The following NLRP7 variants were observed in gnomAD, a reference collection of about 807,000 sequenced individuals.
The protein encoded by NLRP7 is NACHT, LRR and PYD domains-containing protein 7.
A neutral mutation model predicts 85.5 loss-of-function variants in NLRP7; 72 were observed. The ratio of observed to expected loss-of-function variants is 0.84; its 90% CI spans 0.70 to 1.02. The LOEUF (loss-of-function observed/expected upper bound fraction) is 1.02, where lower values mean the gene tolerates loss of function less well. NLRP7 is among the 50% of genes least tolerant of loss of function. NLRP7 has a pLI of 0.00. For missense variants in NLRP7, 1,243 were observed against 1,219.5 expected (o/e 1.02, Z -0.29); for synonymous variants, 550 against 505.2 (o/e 1.09, Z -1.19).
chr19:54,923,712 T>G (rs776004003), exon 10 of NLRP7: 1 of 1,611,928 alleles, frequency 6.2e-7, no homozygotes, highest in East Asian at 2.2e-5. Context: ...CCGCTTCCTG[T>G]GTAATTCGTA....
At chr19:54,957,944 G>A (rs957110599) in intron 1 of NLRP7, among the ~76,000 whole-genome samples, 2 of 152,016 alleles carry the variant, frequency 1.3e-5, no homozygotes, top group Admixed American at 6.6e-5. Flanking sequence ...GGCCGGGCAC[G>A]GTGTCTCACG....
chr19:54,932,886 G>A (rs751458793), intron 8 of NLRP7, among the ~76,000 whole-genome samples: 3 of 151,982 alleles, frequency 2.0e-5, no homozygotes, highest in Admixed American at 6.6e-5. Context: ...CGAACCTTAG[G>A]TGATCTGCCC....
intron 1 of NLRP7, among the ~76,000 whole-genome samples, chr19:54,942,680 A>G (rs1456809656): frequency 6.6e-6 from 1 of 152,054 alleles, no homozygotes; most frequent in Non-Finnish European, 1.5e-5. Context: ...ACGCCATTGC[A>G]CTCGAGCCTC....
chr19:54,924,391 G>A lies in NLRP7; in HGVS notation c.2811-519C>T, dbSNP rs998128976. ...TAGTCCCAGCACTTTGGGAGGCCAAGGCAGGCAGATTGCTTGAGCTCCGCA... is the reference window on the plus strand; with the variant it reads ...TAGTCCCAGCACTTTGGGAGGCCAAAGCAGGCAGATTGCTTGAGCTCCGCA... On this transcript the variant is annotated intron_variant, in intron 9 of 9. Coordinates refer to ENST00000340844, the Ensembl canonical transcript of NLRP7. Among the ~76,000 whole-genome samples, 12 of 152,356 alleles carry A rather than the reference G, an allele frequency of 7.9e-5. No homozygotes were observed. In the East Asian group the frequency reaches 1.9e-3, roughly 24 times the overall value.
intron 1 of NLRP7, among the ~76,000 whole-genome samples, chr19:54,946,976 G>A (rs574277671): frequency 6.6e-5 from 10 of 150,536 alleles, no homozygotes; most frequent in African/African-American, 2.4e-4. Flanking sequence ...TTACCATGTT[G>A]CCCAGGCTAG....
chr19:54,928,991 T>A (rs950325467), intron 9 of NLRP7, among the ~76,000 whole-genome samples: 3 of 152,136 alleles, frequency 2.0e-5, no homozygotes, highest in African/African-American at 4.8e-5. Flanking sequence ...ATCCACCCGT[T>A]TGCATTGAGC....
rs2068787812 is a variant in NLRP7, at chr19:54,934,037, A to G, written c.2472-298T>C. Among the ~76,000 whole-genome samples, 2 of 152,134 alleles carry G rather than the reference A, an allele frequency of 1.3e-5. No homozygotes were observed. The highest frequency in any genetic ancestry group is 2.4e-5 in the African/African-American group (1 of 41,434). On this transcript the variant is annotated intron_variant, in intron 7 of 9. Transcript: ENST00000340844. This position sits in a 1 kb window ranked among gnomAD's most constrained non-coding sequence, Gnocchi z 6.7. ...GGTTCACTGCCAATCGCCGCCTCCC[A>G]GGTTTACACCATTCTGCTGACTCAG...
At chr19:54,948,282 G>A (rs907985920), upstream of NLRP7, among the ~76,000 whole-genome samples, 4 of 152,052 alleles carry the variant, frequency 2.6e-5, 1 homozygote, top group Admixed American at 1.3e-4. Context: ...CTACTCGGGA[G>A]GCTGAGACAG....
Position 54,939,904 on chromosome 19 carries a change from T to G in NLRP7, c.915A>C (p.Ala305=), listed in dbSNP as rs104895560. 3.9e-5 allele frequency: 63 copies of G among 1,614,120 alleles called. No individual in the cohort carries two copies. The Admixed American group carries it at 6.5e-4, about 17-fold the overall frequency. ...GCGCCAGGAGCTGGAGGTCCCTCAG[T>G]GCCCTGGGCCGCGTGGTGACCAGCA... Residue 305 remains alanine, a synonymous_variant, in exon 4 of 10, where the codon GCA becomes GCC. Coordinates refer to ENST00000340844, the Ensembl canonical transcript of NLRP7.
chr19:54,939,297 C>T lies in NLRP7; in HGVS notation c.1522G>A (p.Glu508Lys), dbSNP rs541228827. Reference sequence around the variant, plus strand: ...ATCAGGTCGGGGTTCTTGAGTCTTTCTTCTCCGGAAAGCAGCTTCTGTACG... The same window carrying T: ...ATCAGGTCGGGGTTCTTGAGTCTTTTTTCTCCGGAAAGCAGCTTCTGTACG... The change falls in exon 4 of 10, where the codon GAA becomes AAA. Residue 508 changes from glutamate (E) to lysine (K), a missense_variant. By Grantham distance (56) the Glu-to-Lys change is moderately conservative. Transcript: ENST00000340844. 1.1e-5 allele frequency: 18 copies of T among 1,614,116 alleles called. No homozygotes were observed. In the African/African-American group the frequency reaches 2.1e-4, roughly 19 times the overall value.
At chr19:54,951,210 A>G (rs1023650651), upstream of NLRP7, among the ~76,000 whole-genome samples, 2 of 152,138 alleles carry the variant, frequency 1.3e-5, no homozygotes, top group Non-Finnish European at 2.9e-5. Context: ...CTTTCTACAC[A>G]GACACAGTTA....
In NLRP7 at chr19:54,941,514, C is replaced by G. The variant is rs757711002; in HGVS notation, c.198G>C (p.Trp66Cys). 19 of 1,613,840 alleles carry G rather than the reference C, an allele frequency of 1.2e-5. No homozygotes were observed. In the East Asian group the frequency reaches 1.8e-4, roughly 15 times the overall value. Residue 66 changes from tryptophan (W) to cysteine (C), a missense_variant, in exon 2 of 10, where the codon TGG (tryptophan) becomes TGC (cysteine). Around this residue, in one of 3 missense-constraint regions of NLRP7, gnomAD observed 591 missense variants for 563.3 expected, o/e 1.05. Transcript: ENST00000340844. ...AGATGTTCACAGTCGCATTCCTTATCCAATTTTCTGAGGAGGTGTTGACCA... is the reference window on the plus strand; with the variant it reads ...AGATGTTCACAGTCGCATTCCTTATGCAATTTTCTGAGGAGGTGTTGACCA...
chr19:54,945,961 T>C (rs2069452314), intron 1 of NLRP7, among the ~76,000 whole-genome samples: 1 of 150,268 alleles, frequency 6.7e-6, no homozygotes, highest in East Asian at 2.0e-4. Flanking sequence ...AGCTAATTTT[T>C]TTTGTATTTT....
chr19:54,943,908 T>A (rs767228414), intron 1 of NLRP7, among the ~76,000 whole-genome samples: 1 of 152,098 alleles, frequency 6.6e-6, no homozygotes, highest in Admixed American at 6.6e-5. Context: ...GTGTCACACG[T>A]GGGTTTAGGG....
At position 54,947,459 on chromosome 19, in the gene NLRP7, C is replaced by T. The variant is rs1461787852; in HGVS notation, c.-40+10G>A. Reference sequence around the variant, plus strand: ...AAGACAAAGAAATCGATGCAAGAACCAGCACTCACCTCCCTCAGGTCAGGT... The same window carrying T: ...AAGACAAAGAAATCGATGCAAGAACTAGCACTCACCTCCCTCAGGTCAGGT... On this transcript the variant is annotated intron_variant, in intron 1 of 9. Coordinates refer to ENST00000340844, the Ensembl canonical transcript of NLRP7. 1.9e-5 allele frequency: 24 copies of T among 1,289,234 alleles called. 1 individual carries two copies. Among genetic ancestry groups the T allele is most frequent in the Non-Finnish European group, 2.2e-5 (22 of 988,518 alleles). The allele number at this position is 1,289,234 out of a possible 1,614,324, so 79.9% of individuals were successfully genotyped here. A position where few individuals can be genotyped will look rare whatever the true frequency, so the allele number is the denominator to read the frequency against.
upstream of NLRP7, among the ~76,000 whole-genome samples, chr19:54,950,055 T>C (rs2069619154): frequency 6.6e-6 from 1 of 150,852 alleles, no homozygotes; most frequent in Admixed American, 6.6e-5. Flanking sequence ...TGAGCTGAGA[T>C]AGCGCCACTG....
chr19:54,938,348 C>T, intron 4 of NLRP7, 107 bp from the exon 5 acceptor site: 2 of 855,996 alleles, frequency 2.3e-6, no homozygotes, highest in South Asian at 2.7e-5. Context: ...TTTGCACCAA[C>T]CTAAAACAGT....
At chr19:54,936,309 A>G in exon 6 of NLRP7, 1 of 1,614,038 alleles carries the variant, frequency 6.2e-7, no homozygotes, top group Non-Finnish European at 8.5e-7. Flanking sequence ...GTCACACAGC[A>G]TCAGCATCAT....
intron 1 of NLRP7, among the ~76,000 whole-genome samples, chr19:54,956,344 G>T (rs766745332): frequency 1.3e-5 from 2 of 152,078 alleles, no homozygotes; most frequent in Non-Finnish European, 2.9e-5. Context: ...ACTGGTTGTT[G>T]GTGGGGAGAA....
Sources: gnomAD v4.1 joint callset for allele counts (sites outside exome capture counted in the v4.1 genomes callset) on GRCh38, gnomAD v4.1.1 for gene constraint, gnomAD v4.1.1 regional missense constraint, Gnocchi (gnomAD v3.1) non-coding constraint, MANE v1.5 for transcripts, NCBI Gene and HGNC (gene_info 2026-07-23, HGNC 2026-07-21) for gene names.